PCDHA4: variants seen among roughly 807,000 people sequenced by gnomAD.
PCDHA4 encodes the protein protocadherin alpha 4.
In PCDHA4, 49 loss-of-function variants were observed where a neutral mutation model predicts 61.4. The observed-to-expected ratio is 0.80, with a 90% CI of 0.63 to 1.01. The LOEUF is 1.01. Ranked by LOEUF, PCDHA4 falls within the 50% of genes least tolerant of loss-of-function variation. The pLI is 0.00. For missense variants in PCDHA4, 1,254 were observed against 1,235.8 expected, an observed-to-expected ratio of 1.01 and a Z score of -0.22; for synonymous variants, 590 against 550.3, an observed-to-expected ratio of 1.07 and a Z score of -1.01.
intron 1 of PCDHA4, among the ~76,000 whole-genome samples, chr5:140,855,586 G>A (rs2043525650): frequency 1.3e-5 from 2 of 149,676 alleles, no homozygotes; most frequent in Admixed American, 1.3e-4. Context: ...TAAAATATTA[G>A]TATACTCAGT....
At chr5:140,817,315 G>C (rs1016861865) in intron 1 of PCDHA4, 2 of 152,230 alleles carry the variant, frequency 1.3e-5, no homozygotes, top group African/African-American at 4.8e-5. Flanking sequence ...CCCCAGAAAA[G>C]TGCCCAGCTA....
intron 1 of PCDHA4, among the ~76,000 whole-genome samples, chr5:140,935,422 A>G (rs2090365671): frequency 6.6e-6 from 1 of 152,228 alleles, no homozygotes; most frequent in South Asian, 2.1e-4. Context: ...TTAGAAAACA[A>G]TTTCAGCACT....
At position 140,968,170 on chromosome 5, in the gene PCDHA4, C is replaced by T. The variant is rs1554230457; in HGVS notation, c.2386-10779C>T. 3 of 1,614,132 alleles carry T rather than the reference C, an allele frequency of 1.9e-6. No homozygotes were observed. In the South Asian group the frequency reaches 3.3e-5, roughly 18 times the overall value. On this transcript the variant is annotated intron_variant, in intron 1 of 3. Transcript: ENST00000530339. ...CTGACATCAATGACAATCCACCAAG[C>T]TTCCTGGAGGACTCCTATTCCATCT...
intron 1 of PCDHA4, among the ~76,000 whole-genome samples, chr5:140,888,153 G>A (rs2061714988): frequency 6.6e-6 from 1 of 152,056 alleles, no homozygotes; most frequent in African/African-American, 2.4e-5. Context: ...TTGCATGACT[G>A]GTAATCTCTA....
At chr5:140,819,337 T>A (rs2150103894) in intron 1 of PCDHA4, among the ~76,000 whole-genome samples, 1 of 152,302 alleles carries the variant, frequency 6.6e-6, no homozygotes, top group East Asian at 1.9e-4. Context: ...AAAGGACATT[T>A]GTACCCTTAT....
At chr5:140,877,810 C>A (rs782370638) in intron 1 of PCDHA4, 9 of 1,610,248 alleles carry the variant, frequency 5.6e-6, no homozygotes, top group Non-Finnish European at 6.8e-6. Flanking sequence ...TCAGCTGTCT[C>A]GAGAAGATTG....
At position 140,853,803 on chromosome 5, in the gene PCDHA4, C is replaced by T. The variant is rs574954325; in HGVS notation, c.2385+44231C>T. ...GTAAGAGCAAATTTTCATTTTAAAG[C>T]ACACCTGAGATGATTCTCATACAAC... On this transcript the variant is annotated intron_variant, in intron 1 of 3. Transcript: ENST00000530339. 88 of 986,658 alleles carry T rather than the reference C, an allele frequency of 8.9e-5. 10 individuals are homozygous for T. The highest frequency in any genetic ancestry group is 1.9e-4 in the South Asian group (4 of 21,086). The allele number at this position is 986,658 out of a possible 1,614,324, so 61.1% of individuals were successfully genotyped here. A position where few individuals can be genotyped will look rare whatever the true frequency, so the allele number is the denominator to read the frequency against.
rs781870271 is a variant in PCDHA4, at chr5:140,968,199, T to C, written c.2386-10750T>C. The C allele has an allele frequency of 4.3e-6, 7 of 1,613,986 alleles. No homozygotes were observed. The South Asian group carries it at 7.7e-5, about 18-fold the overall frequency. The stretch of plus-strand genomic sequence containing the variant: ...CTGGAGGACTCCTATTCCATCTACA[T>C]ACAGGAGAACAATTTGCCAGGTGTG... On this transcript the variant is annotated intron_variant, in intron 1 of 3. Transcript: ENST00000530339.
At chr5:140,883,208 A>C in intron 1 of PCDHA4, 3 of 1,614,034 alleles carry the variant, frequency 1.9e-6, no homozygotes, top group Non-Finnish European at 1.7e-6. Context: ...CGAAGAAAAG[A>C]AATTATATGA....
chr5:140,836,921 G>T (rs917250173), intron 1 of PCDHA4: 1 of 539,944 alleles, frequency 1.9e-6, no homozygotes. Context: ...TTTGTTTTGG[G>T]ATGCGTAATA....
rs1298083559 is a variant in PCDHA4, at chr5:140,858,734, T to C, written c.2385+49162T>C. ...ATAGGTTGCAGTTCTGACGATTTAC[T>C]TTCATAATCACTTTTCGTTACAAAT... On this transcript the variant is annotated intron_variant, in intron 1 of 3. Coordinates refer to ENST00000530339, the MANE Select transcript of PCDHA4 (RefSeq NM_018907.4). The C allele has an allele frequency of 1.7e-5, 8 of 476,746 alleles. 1 individual carries two copies. Among genetic ancestry groups the C allele is most frequent in the East Asian group, 3.2e-5 (1 of 30,834 alleles). 29.5% of individuals were successfully genotyped at this position (476,746 alleles called of 1,614,324 possible).
intron 1 of PCDHA4, chr5:140,869,738 T>C (rs1454972321): frequency 1.2e-6 from 2 of 1,613,348 alleles, no homozygotes; most frequent in Non-Finnish European, 8.5e-7. Flanking sequence ...AATTTGCTGC[T>C]AACAGCTACA....
At chr5:140,915,028 T>C (rs1583932096) in intron 1 of PCDHA4, among the ~76,000 whole-genome samples, 1 of 150,922 alleles carries the variant, frequency 6.6e-6, no homozygotes, top group Non-Finnish European at 1.5e-5. Context: ...TCACTGCAAC[T>C]TCTGCCTCCT....
chr5:140,883,686 A>G (rs1380292802), intron 1 of PCDHA4: 1 of 1,613,664 alleles, frequency 6.2e-7, no homozygotes, highest in East Asian at 2.2e-5. Flanking sequence ...CCGGGCTGCC[A>G]CATCTTCACG....
rs143772295 is a variant in PCDHA4 at position 140,836,248 on chromosome 5, T to C, written c.2385+26676T>C. On this transcript the variant is annotated intron_variant, in intron 1 of 3. Coordinates refer to ENST00000530339, the MANE Select transcript of PCDHA4 (RefSeq NM_018907.4). Reference sequence around the variant, plus strand: ...GTGGCGGCCGGTGCGAGCATCCCGTTCCGCGTGGGGCTGTACACTGGTGAG... The same window carrying C: ...GTGGCGGCCGGTGCGAGCATCCCGTCCCGCGTGGGGCTGTACACTGGTGAG... 1,441 of 1,613,590 alleles carry C rather than the reference T, an allele frequency of 8.9e-4. 19 individuals are homozygous for C. The highest frequency in any genetic ancestry group is 1.2e-3 in the Non-Finnish European group (1,359 of 1,179,786).
At chr5:140,843,344 G>T in intron 1 of PCDHA4, 1 of 1,596,078 alleles carries the variant, frequency 6.3e-7, no homozygotes, top group Non-Finnish European at 8.6e-7. Flanking sequence ...GAGCGGCCAG[G>T]CTCCAAAAGC....
At chr5:140,998,906 AG>A (rs1267220398) in intron 3 of PCDHA4, among the ~76,000 whole-genome samples, 10 of 152,208 alleles carry the variant, frequency 6.6e-5, no homozygotes, top group Non-Finnish European at 1.5e-5. Context: ...TGCCTCCGGG[AG>A]GTAGCTATTA....
chr5:140,822,922 C>T, intron 1 of PCDHA4: 1 of 1,614,270 alleles, frequency 6.2e-7, no homozygotes, highest in South Asian at 1.1e-5. Flanking sequence ...TGCCAACGGG[C>T]AGGTGACCTG....
chr5:141,008,678 G>C (rs1463545809), intron 3 of PCDHA4, among the ~76,000 whole-genome samples: 1 of 152,112 alleles, frequency 6.6e-6, no homozygotes, highest in Non-Finnish European at 1.5e-5. Flanking sequence ...ATATACTTTA[G>C]TTATTGCATG....
Sources: allele counts gnomAD v4.1 joint callset (sites outside exome capture counted in the v4.1 genomes callset), GRCh38; gene constraint gnomAD v4.1.1; transcripts MANE v1.5; gene names NCBI Gene and HGNC (gene_info 2026-07-23, HGNC 2026-07-21).